PDZD2: variants seen among roughly 807,000 people sequenced by gnomAD.
The protein encoded by PDZD2 is PDZ domain-containing protein 2.
A neutral mutation model predicts 220.7 loss-of-function variants in PDZD2; 90 were observed. The ratio of observed to expected loss-of-function variants is 0.41; its 90% confidence interval spans 0.34 to 0.49. The LOEUF is 0.49. Among genes scored for constraint, PDZD2 ranks in the 20% least tolerant of loss-of-function variants. PDZD2 has a pLI of 0.28. For missense variants in PDZD2, 3,174 were observed against 3,608.5 expected, an observed-to-expected ratio of 0.88 and a Z score of 3.08; for synonymous variants, 1,375 against 1,450.5, an observed-to-expected ratio of 0.95 and a Z score of 1.18.
chr5:31,710,856 C>T (rs1451428262), intron 1 of PDZD2, among the ~76,000 whole-genome samples: 1 of 151,704 alleles, frequency 6.6e-6, no homozygotes, highest in Non-Finnish European at 1.5e-5. Context: ...GAGAGGCTAC[C>T]TCATTAGGTT....
intron 2 of PDZD2, among the ~76,000 whole-genome samples, chr5:31,885,410 T>C (rs1740370269): frequency 6.6e-6 from 1 of 152,148 alleles, no homozygotes; most frequent in Non-Finnish European, 1.5e-5. Flanking sequence ...ATTGTACATA[T>C]TCTTTGACCC....
chr5:31,680,574 T>G (rs1403053089), intron 1 of PDZD2, among the ~76,000 whole-genome samples: 16 of 152,188 alleles, frequency 1.1e-4, no homozygotes. Context: ...CTTCCTCTGC[T>G]GCCTTGAGGG....
chr5:31,755,964 C>T (rs568848334), intron 1 of PDZD2, among the ~76,000 whole-genome samples: 5 of 152,044 alleles, frequency 3.3e-5, no homozygotes, highest in Admixed American at 6.6e-5. Context: ...TATTGGGTCT[C>T]GGTATTTGCT....
intron 6 of PDZD2, among the ~76,000 whole-genome samples, chr5:32,031,512 TA>T (rs1335933053): frequency 1.3e-5 from 2 of 152,204 alleles, no homozygotes; most frequent in Non-Finnish European, 2.9e-5. Context: ...GTAATTTTAT[TA>T]AAGGGCTTTT....
chr5:32,074,275 G>A lies in PDZD2; in HGVS notation c.3169G>A (p.Ala1057Thr), dbSNP rs754107603. ...EGMVDAASYA[A>T]NLTDSAEAPK... ...CATGGTGGATGCTGCGTCCTATGCA[G>A]CCAACCTCACGGACTCTGCAGAGGC... The change falls in exon 18 of 25, where the codon GCC becomes ACC. Residue 1057 changes from alanine (A) to threonine (T), a missense_variant. By Grantham distance (58) the Ala-to-Thr change is moderately conservative. Transcript: ENST00000438447. The A allele has an allele frequency of 3.2e-5, 52 of 1,614,096 alleles. No homozygotes were observed. The highest frequency in any genetic ancestry group is 5.5e-5 in the South Asian group (5 of 91,090).
intron 2 of PDZD2, among the ~76,000 whole-genome samples, chr5:31,824,808 C>T (rs1184463991): frequency 2.6e-5 from 4 of 152,048 alleles, no homozygotes; most frequent in Non-Finnish European, 4.4e-5. Flanking sequence ...GATACACAAA[C>T]ATTGTTATCA....
chr5:32,002,907 A>ATG (rs1752349622), intron 5 of PDZD2, among the ~76,000 whole-genome samples: 1 of 56,932 alleles, frequency 1.8e-5, no homozygotes, highest in African/African-American at 7.1e-5. Flanking sequence ...ACACACCCCC[A>ATG]CCACACACAC....
At chr5:31,948,581 C>T (rs1746871253) in intron 2 of PDZD2, among the ~76,000 whole-genome samples, 1 of 152,016 alleles carries the variant, frequency 6.6e-6, no homozygotes, top group Non-Finnish European at 1.5e-5. Context: ...AACGAGGTCT[C>T]CATAGAGTTG....
Position 32,074,519 on chromosome 5 carries a change from G to T in PDZD2, c.3413G>T (p.Ser1138Ile), listed in dbSNP as rs1421179137. The T allele has an allele frequency of 8.7e-6, 14 of 1,614,134 alleles. No homozygotes were observed. Among genetic ancestry groups the T allele is most frequent in the Non-Finnish European group, 1.2e-5 (14 of 1,179,964 alleles). Residue 1138 changes from serine (S) to isoleucine (I), a missense_variant, in exon 18 of 25, where the codon AGT becomes ATT. By Grantham distance (142) the Ser-to-Ile change is moderately radical (BLOSUM62 -2). Around this residue, in one of 4 missense-constraint regions of PDZD2, gnomAD observed 1,861 missense variants for 2,001.0 expected, o/e 0.93. Coordinates refer to ENST00000438447, the MANE Select transcript of PDZD2 (RefSeq NM_178140.4). ...AGATCCGAGGCTGAGGCCAAGCCCA[G>T]TGGCTCACAGACAGTGAACCTGACT... ...CKRSEAEAKP[S>I]GSQTVNLTGR...
rs138303938 is a variant in PDZD2, at chr5:31,834,969, C to T, written c.476+35245C>T. Among the ~76,000 whole-genome samples the T allele has an allele frequency of 2.6e-5, 4 of 151,560 alleles. No individual in the cohort carries two copies. In the East Asian group the frequency reaches 7.7e-4, roughly 29 times the overall value. On this transcript the variant is annotated intron_variant, in intron 2 of 24. Transcript: ENST00000438447. ...TGTAAAGAGATTTATCTCATTTGAT[C>T]TTTAGTTGGTCTAAATAAGGAGTGA... is the stretch of plus-strand genomic sequence containing the variant.
At chr5:31,660,904 T>C (rs770016447) in intron 1 of PDZD2, among the ~76,000 whole-genome samples, 2 of 152,174 alleles carry the variant, frequency 1.3e-5, no homozygotes, top group Non-Finnish European at 2.9e-5. Flanking sequence ...TTTTTTGTTT[T>C]GTTTTGTTTT....
At chr5:32,078,281 C>G (rs1166726454) in intron 19 of PDZD2, among the ~76,000 whole-genome samples, 1 of 152,062 alleles carries the variant, frequency 6.6e-6, no homozygotes, top group Non-Finnish European at 1.5e-5. Flanking sequence ...ACTGAAAAAC[C>G]ACACATAAGT....
chr5:31,782,707 ATTT>A (rs34166035), intron 1 of PDZD2, among the ~76,000 whole-genome samples: 1,829 of 96,542 alleles, frequency 0.019, 45 homozygotes, highest in African/African-American at 0.068. Context: ...ACCACTTTAG[ATTT>A]TTTTTTTTTT....
At chr5:31,693,995 C>T (rs1005930364) in intron 1 of PDZD2, among the ~76,000 whole-genome samples, 1 of 152,150 alleles carries the variant, frequency 6.6e-6, no homozygotes, top group African/African-American at 2.4e-5. Context: ...TCATTAACTG[C>T]GTCATAACTG....
At chr5:31,757,852 G>A (rs912070975) in intron 1 of PDZD2, among the ~76,000 whole-genome samples, 3 of 152,116 alleles carry the variant, frequency 2.0e-5, no homozygotes, top group Non-Finnish European at 2.9e-5. Context: ...TTCCCTCCCC[G>A]CAAAGCCACC....
chr5:31,678,527 G>A (rs1746531998), intron 1 of PDZD2, among the ~76,000 whole-genome samples: 1 of 151,894 alleles, frequency 6.6e-6, no homozygotes, highest in African/African-American at 2.4e-5. Flanking sequence ...AGTTCTGGTG[G>A]GGGACGTCTG....
At chr5:31,821,846 A>AC (rs35928511) in intron 2 of PDZD2, among the ~76,000 whole-genome samples, 118,326 of 147,024 alleles carry the variant, frequency 0.8, 48,644 homozygotes, top group African/African-American at 0.91. Context: ...CCCTCCCCTT[A>AC]CCCCCATCCC....
At chr5:31,778,256 G>T (rs1416868648) in intron 1 of PDZD2, among the ~76,000 whole-genome samples, 3 of 152,184 alleles carry the variant, frequency 2.0e-5, no homozygotes, top group Admixed American at 2.0e-4. Flanking sequence ...CATTCAGCAG[G>T]ATGTGGGTGG....
At chr5:31,931,086 G>A (rs1054450361) in intron 2 of PDZD2, among the ~76,000 whole-genome samples, 3 of 152,118 alleles carry the variant, frequency 2.0e-5, no homozygotes, top group African/African-American at 7.2e-5. Flanking sequence ...ATAGTGGCGC[G>A]ATCTCAGCTC....
Sources: allele counts gnomAD v4.1 joint callset (sites outside exome capture counted in the v4.1 genomes callset), GRCh38; gene constraint gnomAD v4.1.1; regional missense constraint gnomAD v4.1.1; transcripts MANE v1.5; gene names NCBI Gene and HGNC (gene_info 2026-07-23, HGNC 2026-07-21).